The following SPON1 variants were observed in gnomAD, a reference collection of about 807,000 sequenced individuals.
The protein encoded by SPON1 is spondin 1.
Under a neutral mutation model 111.7 loss-of-function variants are expected in SPON1, and 52 were observed. The observed-to-expected ratio is 0.47, with a 90% CI of 0.37 to 0.59. SPON1 has a LOEUF of 0.59. Ranked by LOEUF, SPON1 falls within the 20% of genes least tolerant of loss-of-function variation. The pLI, the probability that SPON1 is intolerant of heterozygous loss-of-function variation, is 0.00. For synonymous variants in SPON1, 410 were observed against 395.8 expected (o/e 1.04, Z -0.43); for missense variants, 957 against 1,068.5 (o/e 0.90, Z 1.46).
At chr11:14,073,112 G>A (rs1004749184) in intron 3 of SPON1, among the ~76,000 whole-genome samples, 8 of 152,004 alleles carry the variant, frequency 5.3e-5, no homozygotes, top group Non-Finnish European at 2.9e-5. Context: ...ACATATACAT[G>A]AATAGACCCT....
At chr11:14,095,445 T>TAGATAGACAGAC (rs782753239) in intron 5 of SPON1, among the ~76,000 whole-genome samples, 4 of 147,380 alleles carry the variant, frequency 2.7e-5, no homozygotes, top group Admixed American at 6.8e-5. Flanking sequence ...GATAGATAGA[T>TAGATAGACAGAC]AGATAATACA....
Position 14,169,853 on chromosome 11 carries a change from A to G in SPON1, c.825+34285A>G, listed in dbSNP as rs546567642. Among the ~76,000 whole-genome samples the G allele has an allele frequency of 3.0e-4, 45 of 152,140 alleles. 1 individual carries two copies. The highest frequency in any genetic ancestry group is 2.4e-3 in the Admixed American group (37 of 15,276). On this transcript the variant is annotated intron_variant, in intron 6 of 15. Coordinates refer to ENST00000576479, the MANE Select transcript of SPON1 (RefSeq NM_006108.4). ...GGGCTCTGTTCTGTTCCATTGGTCT[A>G]TATCTCTGTTTTGGTACCAGTACCA...
chr11:14,046,780 G>T (rs1848671348), intron 3 of SPON1, among the ~76,000 whole-genome samples: 1 of 152,146 alleles, frequency 6.6e-6, no homozygotes, highest in Non-Finnish European at 1.5e-5. Flanking sequence ...GAATGGCTTT[G>T]CACTGAATTA....
chr11:14,051,289 C>G (rs541135503), intron 3 of SPON1, among the ~76,000 whole-genome samples: 1 of 152,148 alleles, frequency 6.6e-6, no homozygotes, highest in Non-Finnish European at 1.5e-5. Context: ...AGTCCCAACA[C>G]TTTGAGAAGC....
rs2133928673 is a variant in SPON1, at chr11:14,262,791, C to T, written c.2076C>T (p.Thr692=). 6.2e-7 allele frequency: 1 copy of T among 1,613,890 alleles called. No homozygotes were observed. Among genetic ancestry groups the T allele is most frequent in the Non-Finnish European group, 8.5e-7 (1 of 1,179,868 alleles). The part of the protein sequence containing the change: ...KSCGKGHVIR[T]RMIQMEPQFG... Reference sequence around the variant, plus strand: ...GTGGGAAAGGCCACGTGATTCGAACCCGGATGATCCAAATGGAGCCTCAGT... The same window carrying T: ...GTGGGAAAGGCCACGTGATTCGAACTCGGATGATCCAAATGGAGCCTCAGT... Residue 692 remains threonine, a synonymous_variant, in exon 15 of 16, where the codon ACC becomes ACT. Transcript: ENST00000576479.
At chr11:14,080,529 C>T (rs1848954767) in intron 5 of SPON1, among the ~76,000 whole-genome samples, 1 of 152,040 alleles carries the variant, frequency 6.6e-6, no homozygotes, top group South Asian at 2.1e-4. Flanking sequence ...GTGCCCAGCC[C>T]CAGCATTGTG....
chr11:14,035,687 A>G (rs190253698), intron 2 of SPON1, among the ~76,000 whole-genome samples: 2 of 150,786 alleles, frequency 1.3e-5, no homozygotes, highest in East Asian at 3.9e-4. Flanking sequence ...GCACAATCAC[A>G]GTTCACTGTA....
At chr11:13,979,522 A>T (rs1848128367) in intron 1 of SPON1, among the ~76,000 whole-genome samples, 1 of 152,216 alleles carries the variant, frequency 6.6e-6, no homozygotes, top group Non-Finnish European at 1.5e-5. Context: ...GGGAAGCAGG[A>T]CAGCAACTGG....
chr11:13,993,046 A>G (rs1213236640), intron 2 of SPON1, among the ~76,000 whole-genome samples: 3 of 152,142 alleles, frequency 2.0e-5, no homozygotes, highest in African/African-American at 7.2e-5. Context: ...TTGGTTAAAG[A>G]TTGCATTTGT....
intron 2 of SPON1, among the ~76,000 whole-genome samples, chr11:13,988,269 A>G (rs1346171868): frequency 6.6e-6 from 1 of 152,096 alleles, no homozygotes; most frequent in African/African-American, 2.4e-5. Context: ...GGTCCTTCAC[A>G]TCCCTTTTAA....
chr11:14,088,195 C>T (rs1554922910), intron 5 of SPON1, among the ~76,000 whole-genome samples: 1 of 152,068 alleles, frequency 6.6e-6, no homozygotes, highest in African/African-American at 2.4e-5. Flanking sequence ...GGTTATTTTG[C>T]ACATTTGTTG....
At chr11:14,121,682 A>T (rs980014060) in intron 5 of SPON1, among the ~76,000 whole-genome samples, 3 of 152,132 alleles carry the variant, frequency 2.0e-5, no homozygotes, top group Non-Finnish European at 2.9e-5. Flanking sequence ...CATATTTCCC[A>T]TTTCCAGCAC....
intron 3 of SPON1, among the ~76,000 whole-genome samples, chr11:14,059,635 C>A (rs900564422): frequency 1.3e-5 from 2 of 152,146 alleles, no homozygotes; most frequent in Admixed American, 1.3e-4. Context: ...TTCTTTGGAA[C>A]CAGGCTGCAT....
At chr11:14,047,239 G>A (rs782421259) in intron 3 of SPON1, among the ~76,000 whole-genome samples, 1 of 152,056 alleles carries the variant, frequency 6.6e-6, no homozygotes, top group Non-Finnish European at 1.5e-5. Context: ...GCTTATTCCA[G>A]ATTTTAATGG....
intron 5 of SPON1, among the ~76,000 whole-genome samples, chr11:14,122,574 A>G (rs1355389744): frequency 6.6e-6 from 1 of 152,122 alleles, no homozygotes; most frequent in East Asian, 1.9e-4. Flanking sequence ...ACAGTCATTT[A>G]TACCCTAGTT....
intron 3 of SPON1, among the ~76,000 whole-genome samples, chr11:14,053,504 TC>T (rs1267835094): frequency 2.0e-5 from 3 of 152,226 alleles, no homozygotes; most frequent in Non-Finnish European, 2.9e-5. Context: ...GCTGAATAAT[TC>T]CCCATTGTAT....
rs1554909867 is a variant in SPON1 at position 13,982,899 on chromosome 11, C to T, written c.291C>T (p.Ala97=). The T allele has an allele frequency of 1.3e-6, 2 of 1,562,292 alleles. No individual in the cohort carries two copies. Among genetic ancestry groups the T allele is most frequent in the Non-Finnish European group, 1.7e-6 (2 of 1,152,220 alleles). The change falls in exon 2 of 16, where the codon GCC becomes GCT. Residue 97 remains alanine, a synonymous_variant. Transcript: ENST00000576479. ...ACTTCAGAGGATTCACATTAATTGC[C>T]CTCAGAGAGAACAGAGAGGGTGATA... is the stretch of plus-strand genomic sequence containing the variant. ...PSYFRGFTLI[A]LRENREGDKE...
At chr11:14,204,841 C>G (rs746769827) in intron 6 of SPON1, among the ~76,000 whole-genome samples, 3 of 151,986 alleles carry the variant, frequency 2.0e-5, no homozygotes, top group Non-Finnish European at 4.4e-5. Flanking sequence ...CCCGCCACCA[C>G]CCCCGGCTAA....
intron 2 of SPON1, among the ~76,000 whole-genome samples, chr11:13,995,520 G>A (rs782563642): frequency 3.2e-4 from 48 of 152,210 alleles, no homozygotes; most frequent in Middle Eastern, 3.4e-3. Flanking sequence ...ATCAGCTCTC[G>A]TGAGACCTGA....
Sources: gnomAD v4.1 joint callset for allele counts (sites outside exome capture counted in the v4.1 genomes callset) on GRCh38, gnomAD v4.1.1 for gene constraint, MANE v1.5 for transcripts, NCBI Gene and HGNC (gene_info 2026-07-23, HGNC 2026-07-21) for gene names.